The following WDFY4 variants were observed in gnomAD, a reference collection of about 807,000 sequenced individuals.
The protein encoded by WDFY4 is WD repeat- and FYVE domain-containing protein 4.
WDFY4 carries 169 observed loss-of-function variants against 351.9 expected under a neutral mutation model. That is an observed-to-expected ratio of 0.48 (90% CI 0.42 to 0.55). The LOEUF is 0.55. Ranked by LOEUF, WDFY4 falls within the 20% of genes least tolerant of loss-of-function variation. The probability of loss-of-function intolerance (pLI) is 0.00; values close to 1 mark genes in which losing one functional copy is unlikely to be tolerated. For missense variants in WDFY4, 3,803 were observed against 3,935.6 expected, an observed-to-expected ratio of 0.97 and a Z score of 0.90; for synonymous variants, 1,622 against 1,574.6, an observed-to-expected ratio of 1.03 and a Z score of -0.71.
chr10:48,905,748 C>T (rs899024861), intron 47 of WDFY4, among the ~76,000 whole-genome samples: 1 of 152,250 alleles, frequency 6.6e-6, no homozygotes, highest in African/African-American at 2.4e-5. Flanking sequence ...GCAGTGAGGG[C>T]ATGTGGCAAG....
chr10:48,832,648 T>C lies in WDFY4; in HGVS notation c.6602T>C (p.Leu2201Pro), dbSNP rs1168608156. The change falls in exon 39 of 62, where the codon CTG becomes CCG. Residue 2201 changes from leucine (L) to proline (P), a missense_variant. Physicochemically the swap from Leu to Pro is moderately conservative, Grantham distance 98 (BLOSUM62 -3). This residue lies in a region of WDFY4 where 3,054 missense variants were observed against 3,148.6 expected (regional missense o/e 0.97). Coordinates refer to ENST00000325239, the MANE Select transcript of WDFY4 (RefSeq NM_001394531.1). ...AAAGTCACTTTGTGGAGTGGAAGCC[T>C]GTCCTCAGCCATGAAGCTGATGCCC... ...HSKVTLWSGS[L>P]SSAMKLMPGR... 1 of 1,551,144 alleles carries C rather than the reference T, an allele frequency of 6.4e-7. No individual in the cohort carries two copies. Among genetic ancestry groups the C allele is most frequent in the East Asian group, 2.4e-5 (1 of 40,918 alleles).
intron 58 of WDFY4, 197 bp downstream of exon 58, chr10:48,975,238 C>T: frequency 2.7e-6 from 2 of 731,892 alleles, no homozygotes; most frequent in Non-Finnish European, 4.6e-6. Flanking sequence ...CTTTACTTTC[C>T]TCCCTCTGGT....
intron 1 of WDFY4, among the ~76,000 whole-genome samples, chr10:48,701,662 G>A (rs1431519382): frequency 6.6e-6 from 1 of 152,200 alleles, no homozygotes; most frequent in Admixed American, 6.5e-5. Context: ...GCATCTTGAG[G>A]AAAGAGGAAG....
chr10:48,929,599 G>A (rs1839866998), intron 47 of WDFY4, among the ~76,000 whole-genome samples: 1 of 152,212 alleles, frequency 6.6e-6, no homozygotes, highest in Admixed American at 6.5e-5. Context: ...AGCCCACCTA[G>A]TCTCATTGCT....
chr10:48,692,946 A>C (rs958980713), intron 1 of WDFY4, among the ~76,000 whole-genome samples: 1 of 152,140 alleles, frequency 6.6e-6, no homozygotes, highest in Non-Finnish European at 1.5e-5. Flanking sequence ...GGAGAGGAGC[A>C]GGGTTGCTTC....
At chr10:48,718,359 CT>C (rs2063973616) in intron 2 of WDFY4, among the ~76,000 whole-genome samples, 1 of 152,072 alleles carries the variant, frequency 6.6e-6, no homozygotes, top group South Asian at 2.1e-4. Context: ...TTTTTGAAGG[CT>C]TTTATGTTTT....
chr10:48,718,074 A>AT (rs2132257125), intron 2 of WDFY4, among the ~76,000 whole-genome samples: 1 of 152,228 alleles, frequency 6.6e-6, no homozygotes, highest in East Asian at 1.9e-4. Context: ...CAGGTATTTC[A>AT]TTTTTGCCAA....
chr10:48,969,162 G>T lies in WDFY4; in HGVS notation c.8683G>T (p.Val2895Leu). ...CATTCTGGCTGTAGAGAGGAACAAA[G>T]TGCTGCTGCCTCCTCTCTGGAACAG... Reference protein sequence around the residue: ...KTILAVERNKVLLPPLWNRTF... With the variant: ...KTILAVERNKLLLPPLWNRTF... Residue 2895 changes from valine to leucine, a missense_variant, in exon 56 of 62, where the codon GTG becomes TTG. Coordinates refer to ENST00000325239, the MANE Select transcript of WDFY4 (RefSeq NM_001394531.1). The T allele has an allele frequency of 6.4e-7, 1 of 1,551,766 alleles. No homozygotes were observed. Among genetic ancestry groups the T allele is most frequent in the Non-Finnish European group, 8.7e-7 (1 of 1,146,978 alleles).
chr10:48,718,567 G>T (rs144830670), intron 2 of WDFY4, among the ~76,000 whole-genome samples: 7 of 152,252 alleles, frequency 4.6e-5, no homozygotes, highest in African/African-American at 1.2e-4. Flanking sequence ...CTTCCGTGGA[G>T]GCCACGGATG....
chr10:48,796,354 G>T lies in WDFY4; in HGVS notation c.4314G>T (p.Gln1438His). 1 of 1,552,384 alleles carries T rather than the reference G, an allele frequency of 6.4e-7. No individual in the cohort carries two copies. Among genetic ancestry groups the T allele is most frequent in the Non-Finnish European group, 8.7e-7 (1 of 1,147,138 alleles). ...CTCTCCTGAACCATCGAATTTTTCA[G>T]CTGATCCTCTCAGTGGCTGGCACTG... is the stretch of plus-strand genomic sequence containing the variant. ...KASLLNHRIF[Q>H]LILSVAGTVE... The change falls in exon 24 of 62, where the codon CAG becomes CAT. Residue 1438 changes from glutamine (Q) to histidine (H), a missense_variant. Around this residue, in one of 3 missense-constraint regions of WDFY4, gnomAD observed 3,054 missense variants for 3,148.6 expected, o/e 0.97. Transcript: ENST00000325239.
At chr10:48,786,410 AT>A (rs1465296981) in intron 19 of WDFY4, among the ~76,000 whole-genome samples, 2 of 152,146 alleles carry the variant, frequency 1.3e-5, no homozygotes, top group African/African-American at 4.8e-5. Flanking sequence ...GTTTCTTAAT[AT>A]TTTTTATCAA....
chr10:48,974,114 G>A (rs566893352), intron 57 of WDFY4, among the ~76,000 whole-genome samples: 1 of 152,142 alleles, frequency 6.6e-6, no homozygotes, highest in Non-Finnish European at 1.5e-5. Context: ...ATTTGGAGTG[G>A]AACCCAAGAA....
chr10:48,979,957 T>C (rs1842742268), intron 60 of WDFY4: 1 of 152,206 alleles, frequency 6.6e-6, no homozygotes, highest in African/African-American at 2.4e-5. Flanking sequence ...ATGCAGGTCA[T>C]TATTGTCATT....
intron 47 of WDFY4, among the ~76,000 whole-genome samples, chr10:48,923,286 T>G (rs969778480): frequency 6.6e-6 from 1 of 151,818 alleles, no homozygotes; most frequent in Admixed American, 6.6e-5. Flanking sequence ...AGGGAACAGA[T>G]GTTCGCAAGC....
intron 39 of WDFY4, among the ~76,000 whole-genome samples, chr10:48,857,783 T>C (rs544670993): frequency 6.1e-4 from 93 of 152,260 alleles, no homozygotes; most frequent in Middle Eastern, 3.4e-3. Context: ...TTTTTTGTTT[T>C]TTACTTGTTG....
At chr10:48,790,054 CTGGAG>C in intron 22 of WDFY4, 69 bp downstream of exon 22, 1 of 1,425,926 alleles carries the variant, frequency 7.0e-7, no homozygotes, top group Non-Finnish European at 9.7e-7. Flanking sequence ...CTTGTGCACC[CTGGAG>C]TTCTGGAGTG....
intron 44 of WDFY4, among the ~76,000 whole-genome samples, chr10:48,893,947 G>C (rs1360779785): frequency 3.9e-5 from 6 of 152,206 alleles, no homozygotes; most frequent in African/African-American, 1.2e-4. Context: ...TCTACCCAAA[G>C]AATATGGATC....
chr10:48,765,480 GCACAGGGA>G (rs1213267401), intron 13 of WDFY4, among the ~76,000 whole-genome samples: 1 of 152,194 alleles, frequency 6.6e-6, no homozygotes, highest in African/African-American at 2.4e-5. Context: ...AGCAGAACAT[GCACAGGGA>G]CACAGGACAC....
At chr10:48,851,686 G>A (rs1001281017) in intron 39 of WDFY4, among the ~76,000 whole-genome samples, 4 of 152,266 alleles carry the variant, frequency 2.6e-5, no homozygotes, top group African/African-American at 9.6e-5. Context: ...ACAAACAAGT[G>A]TAATGACTGT....
Sources: gnomAD v4.1 joint callset for allele counts (sites outside exome capture counted in the v4.1 genomes callset) on GRCh38, gnomAD v4.1.1 for gene constraint, gnomAD v4.1.1 regional missense constraint, MANE v1.5 for transcripts, NCBI Gene and HGNC (gene_info 2026-07-23, HGNC 2026-07-21) for gene names.